Variants in HMGN2 observed in about 807,000 individuals in gnomAD.
HMGN2 encodes high mobility group nucleosomal binding domain 2.
Under a neutral mutation model 16.9 loss-of-function variants are expected in HMGN2, and 2 were observed. That is an observed-to-expected ratio of 0.12 (90% CI 0.05 to 0.37). The LOEUF is 0.37. HMGN2 is among the 10% of genes least tolerant of loss of function. The pLI is 1.00. For missense variants in HMGN2, 90 were observed against 106.0 expected (o/e 0.85, Z 0.66); for synonymous variants, 31 against 34.9 (o/e 0.89, Z 0.39).
chr1:26,472,599 T>TCGCCGC lies in HMGN2; in HGVS notation c.-9_-4dup. 1 of 1,533,428 alleles carries TCGCCGC rather than the reference T, an allele frequency of 6.5e-7. No homozygotes were observed. The highest frequency in any genetic ancestry group is 1.2e-5 in the South Asian group (1 of 84,074). 95.0% of individuals were successfully genotyped at this position (1,533,428 alleles called of 1,614,324 possible). On this transcript the variant is annotated 5_prime_UTR_variant, in exon 1 of 6. Transcript: ENST00000361427. ...GTCCAGCACCTACGTCCCGCTGCCG[T>TCGCCGC]CGCCGCCGCCACCATGCCCAAGAGA...
In HMGN2 at chr1:26,473,910, T is replaced by G. The variant is rs1007215931; in HGVS notation, c.91-175T>G. 1.0e-5 allele frequency: 8 copies of G among 788,334 alleles called. No homozygotes were observed. In the African/African-American group the frequency reaches 1.4e-4, roughly 14 times the overall value. 48.8% of individuals were successfully genotyped at this position (788,334 alleles called of 1,614,324 possible). A position where few individuals can be genotyped will look rare whatever the true frequency, so the allele number is the denominator to read the frequency against. On this transcript the variant is annotated intron_variant, in intron 3 of 5. Coordinates refer to ENST00000361427, the MANE Select transcript of HMGN2 (RefSeq NM_005517.4). ...GAAATTCTGATGCCTGTAGCCAAAG[T>G]GGGACATTTGAGTGGGCTTCTGGAA...
At chr1:26,473,281 G>C (rs1482843342) in intron 1 of HMGN2, 7 of 584,304 alleles carry the variant, frequency 1.2e-5, no homozygotes, top group Non-Finnish European at 2.1e-5. Context: ...GCTGCGCTCC[G>C]GTCCAGCCCT....
chr1:26,473,187 C>T (rs1241617540), intron 1 of HMGN2: 2 of 419,680 alleles, frequency 4.8e-6, no homozygotes, highest in East Asian at 4.8e-5. Context: ...GCGCTGGGCT[C>T]CGCCTCCGGA....
At position 26,474,127 on chromosome 1, in the gene HMGN2, C is replaced by T. The variant is rs1183406498; in HGVS notation, c.133C>T (p.Pro45Ser). 6.2e-7 allele frequency: 1 copy of T among 1,608,010 alleles called. No individual in the cohort carries two copies. Among genetic ancestry groups the T allele is most frequent in the Non-Finnish European group, 8.5e-7 (1 of 1,178,050 alleles). Reference protein sequence around the residue: ...PKPEPKPKKAPAKKGEKVPKG... With the variant: ...PKPEPKPKKASAKKGEKVPKG... ...GCCAGAGCCCAAGCCTAAAAAGGCC[C>T]CTGCAAAGGTAAGTGCTAACATTGG... The change falls in exon 4 of 6, where the codon CCT (proline) becomes TCT (serine). Residue 45 changes from proline (P) to serine (S), a missense_variant. Physicochemically the swap from Pro to Ser is moderately conservative, Grantham distance 74. Coordinates refer to ENST00000361427, the MANE Select transcript of HMGN2 (RefSeq NM_005517.4).
Position 26,472,582 on chromosome 1 carries a change from C to T in HMGN2, c.-31C>T, listed in dbSNP as rs772031410. On this transcript the variant is annotated 5_prime_UTR_variant, in exon 1 of 6. Coordinates refer to ENST00000361427, the MANE Select transcript of HMGN2 (RefSeq NM_005517.4). ...GCGCCGCTGCATCCCGCGTCCAGCACCTACGTCCCGCTGCCGTCGCCGCCG... is the reference window on the plus strand; with the variant it reads ...GCGCCGCTGCATCCCGCGTCCAGCATCTACGTCCCGCTGCCGTCGCCGCCG... 69 of 1,536,086 alleles carry T rather than the reference C, an allele frequency of 4.5e-5. No homozygotes were observed. The South Asian group carries it at 7.8e-4, about 17-fold the overall frequency.
chr1:26,473,699 A>C lies in HMGN2; in HGVS notation c.61-4A>C. The C allele has an allele frequency of 6.2e-7, 1 of 1,614,032 alleles. No homozygotes were observed. The highest frequency in any genetic ancestry group is 8.5e-7 in the Non-Finnish European group (1 of 1,179,954). On this transcript the variant is annotated splice_polypyrimidine_tract_variant and splice_region_variant and intron_variant, in intron 2 of 5. Transcript: ENST00000361427. ...ATTTCTAACTTTCTCGTTGTCTTTAATAGCCACAGAGAAGATCCGCGAGGT... is the reference window on the plus strand; with the variant it reads ...ATTTCTAACTTTCTCGTTGTCTTTACTAGCCACAGAGAAGATCCGCGAGGT...
intron 1 of HMGN2, chr1:26,473,182 G>T: frequency 2.4e-6 from 1 of 412,274 alleles, no homozygotes; most frequent in Non-Finnish European, 4.4e-6. Context: ...CAACGGCGCT[G>T]GGCTCCGCCT....
rs1410650863 is a variant in HMGN2 at position 26,474,138 on chromosome 1, A to G, written c.141+3A>G. ...AGCCTAAAAAGGCCCCTGCAAAGGT[A>G]AGTGCTAACATTGGAACTGATCATT... is the stretch of plus-strand genomic sequence containing the variant. On this transcript the variant is annotated splice_donor_region_variant and intron_variant, in intron 4 of 5. Coordinates refer to ENST00000361427, the MANE Select transcript of HMGN2 (RefSeq NM_005517.4). The G allele has an allele frequency of 6.2e-7, 1 of 1,603,776 alleles. No individual in the cohort carries two copies. Among genetic ancestry groups the G allele is most frequent in the East Asian group, 2.2e-5 (1 of 44,864 alleles).
chr1:26,474,809 C>T (rs2075597687), intron 5 of HMGN2, 142 bp downstream of exon 5: 2 of 636,628 alleles, frequency 3.1e-6, no homozygotes, highest in Non-Finnish European at 5.6e-6. Context: ...AACTTAAATC[C>T]TGGATTCTTG....
rs1300559581 is a variant in HMGN2 at position 26,476,335 on chromosome 1, G to C, written c.*1187G>C. 1.3e-5 allele frequency among the ~76,000 whole-genome samples: 2 copies of C among 152,170 alleles called. No homozygotes were observed. The highest frequency in any genetic ancestry group is 2.9e-5 in the Non-Finnish European group (2 of 68,034). On this transcript the variant is annotated 3_prime_UTR_variant, in exon 6 of 6. Coordinates refer to ENST00000361427, the MANE Select transcript of HMGN2 (RefSeq NM_005517.4). ...AGCCTCTCTACTTCCATCTGCATTT[G>C]CAACTTCTATAAAATTAGCAAATTA...
Position 26,475,993 on chromosome 1 carries a change from C to G in HMGN2, c.*845C>G. Reference sequence around the variant, plus strand: ...TGGAATGCTGCCTCTGATCTTTTCCCACAAGTGGGGTAACCTGGTTTATCC... The same window carrying G: ...TGGAATGCTGCCTCTGATCTTTTCCGACAAGTGGGGTAACCTGGTTTATCC... On this transcript the variant is annotated 3_prime_UTR_variant, in exon 6 of 6. Transcript: ENST00000361427. The G allele has an allele frequency of 3.4e-6, 1 of 298,032 alleles. No homozygotes were observed. Among genetic ancestry groups the G allele is most frequent in the Non-Finnish European group, 6.5e-6 (1 of 153,148 alleles). The allele number at this position is 298,032 out of a possible 1,614,324, so 18.5% of individuals were successfully genotyped here. A position where few individuals can be genotyped will look rare whatever the true frequency, so the allele number is the denominator to read the frequency against.
At chr1:26,473,630 T>A in intron 2 of HMGN2, 73 bp from the exon 3 acceptor site, 1 of 1,568,094 alleles carries the variant, frequency 6.4e-7, no homozygotes, top group South Asian at 1.1e-5. Flanking sequence ...TCCTATAATC[T>A]AGAGCAAATT....
chr1:26,473,876 G>T, intron 3 of HMGN2, 144 bp downstream of exon 3: 1 of 908,644 alleles, frequency 1.1e-6, no homozygotes, highest in East Asian at 2.5e-5. Context: ...TTTGGGTTTT[G>T]CTGGTTCTGA....
In HMGN2 at chr1:26,472,507, A is replaced by G; in HGVS notation, c.-106A>G. 1.5e-6 allele frequency: 2 copies of G among 1,326,706 alleles called. No individual in the cohort carries two copies. The highest frequency in any genetic ancestry group is 2.5e-5 in the East Asian group (1 of 39,410). 82.2% of individuals were successfully genotyped at this position (1,326,706 alleles called of 1,614,324 possible). ...AACTTTATAAACCCCCCGGAGCCCG[A>G]GCAGTGTGAAGAAGAGGCGAGAACG... On this transcript the variant is annotated 5_prime_UTR_variant, in exon 1 of 6. Transcript: ENST00000361427.
rs143924126 is a variant in HMGN2 at position 26,476,366 on chromosome 1, C to G, written c.*1218C>G. On this transcript the variant is annotated 3_prime_UTR_variant, in exon 6 of 6. Transcript: ENST00000361427. ...TCTATAAAATTAGCAAATTAATAGA[C>G]TCATGTCAGAGAGTGTCTCTGTGAA... Among the ~76,000 whole-genome samples the G allele has an allele frequency of 1.3e-5, 2 of 152,154 alleles. No homozygotes were observed. Among genetic ancestry groups the G allele is most frequent in the Non-Finnish European group, 2.9e-5 (2 of 68,028 alleles).
intron 5 of HMGN2, chr1:26,474,909 TC>T: frequency 1.6e-6 from 1 of 609,822 alleles, no homozygotes; most frequent in Non-Finnish European, 2.9e-6. Context: ...ATTCTGGTGT[TC>T]TTCCTACCTC....
chr1:26,472,792 C>G (rs888146498), intron 1 of HMGN2, among the ~76,000 whole-genome samples, 165 bp downstream of exon 1: 2 of 151,466 alleles, frequency 1.3e-5, no homozygotes, highest in Admixed American at 6.6e-5. Context: ...CCCTGAGCGG[C>G]TCGGCTGCCC....
chr1:26,473,338 T>G, intron 1 of HMGN2, 145 bp from the exon 2 acceptor site: 3 of 643,768 alleles, frequency 4.7e-6, no homozygotes, highest in East Asian at 2.7e-5. Context: ...CGCTTCGTTC[T>G]TATACGAACG....
chr1:26,472,727 C>T (rs1277967336), intron 1 of HMGN2, 100 bp downstream of exon 1: 8 of 1,088,806 alleles, frequency 7.3e-6, no homozygotes, highest in Non-Finnish European at 7.6e-6. Flanking sequence ...GAGCAGGAGC[C>T]AGCGCAGCCT....
Sources: allele counts gnomAD v4.1 joint callset (sites outside exome capture counted in the v4.1 genomes callset), GRCh38; gene constraint gnomAD v4.1.1; transcripts MANE v1.5; gene names NCBI Gene and HGNC (gene_info 2026-07-23, HGNC 2026-07-21).